Variants in TJP1 observed in about 807,000 individuals in gnomAD.
TJP1 encodes the protein tight junction protein 1, also known as tight junction protein ZO-1.
Under a neutral mutation model 194.2 loss-of-function variants are expected in TJP1, and 43 were observed. That is an observed-to-expected ratio of 0.22 (90% CI 0.17 to 0.29). The LOEUF (loss-of-function observed/expected upper bound fraction) is 0.29, where lower values mean the gene tolerates loss of function less well. Ranked by LOEUF, TJP1 falls within the 10% of genes least tolerant of loss-of-function variation. The pLI is 1.00. For synonymous variants in TJP1, 801 were observed against 779.0 expected (o/e 1.03, Z -0.47); for missense variants, 1,971 against 2,185.7 (o/e 0.90, Z 1.96).
chr15:29,701,818 T>C (rs2041562159), intron 27 of TJP1, 129 bp from the exon 28 acceptor site: 1 of 653,028 alleles, frequency 1.5e-6, no homozygotes, highest in Non-Finnish European at 2.6e-6. Context: ...ATTGAATTTG[T>C]ATCAAAACAC....
intron 8 of TJP1, among the ~76,000 whole-genome samples, chr15:29,743,663 G>C (rs1358458548): frequency 6.6e-6 from 1 of 152,132 alleles, no homozygotes; most frequent in African/African-American, 2.4e-5. Flanking sequence ...GGAGTTGGAG[G>C]CTGAAGTGAG....
intron 10 of TJP1, among the ~76,000 whole-genome samples, chr15:29,739,466 T>C (rs991408183): frequency 3.3e-5 from 5 of 152,150 alleles, no homozygotes; most frequent in African/African-American, 1.2e-4. Flanking sequence ...TTTTTTGAGA[T>C]GGAGTTTTGC....
chr15:29,723,446 T>G (rs2043056849), intron 18 of TJP1, among the ~76,000 whole-genome samples: 1 of 152,190 alleles, frequency 6.6e-6, no homozygotes, highest in Non-Finnish European at 1.5e-5. Context: ...TCCCCTTCAC[T>G]GTCTTAAGTT....
chr15:29,754,953 AT>A (rs2045551847), intron 8 of TJP1, among the ~76,000 whole-genome samples: 2 of 152,220 alleles, frequency 1.3e-5, no homozygotes, highest in Non-Finnish European at 2.9e-5. Context: ...GACGAAAACA[AT>A]TATGGAAGGT....
chr15:29,760,672 C>T (rs1364122284), intron 8 of TJP1, among the ~76,000 whole-genome samples: 6 of 152,062 alleles, frequency 3.9e-5, no homozygotes, highest in Admixed American at 2.0e-4. Flanking sequence ...CCACCGCGCC[C>T]GGCCAACACT....
At chr15:29,744,758 T>C (rs1832969181) in intron 8 of TJP1, among the ~76,000 whole-genome samples, 1 of 152,132 alleles carries the variant, frequency 6.6e-6, no homozygotes, top group South Asian at 2.1e-4. Flanking sequence ...TAAAACCCCA[T>C]GTACTCATCG....
rs370416921 is a variant in TJP1, at chr15:29,719,136, C to T, written c.3006G>A (p.Val1002=). Residue 1002 remains valine, a splice_region_variant and synonymous_variant, in exon 21 of 28, where the codon GTG becomes GTA. Coordinates refer to ENST00000614355, the MANE Select transcript of TJP1 (RefSeq NM_001330239.4). ...SLSSHVDPTK[V]YRKDPYPEEM... is the part of the protein sequence containing the mutation. ...CCTCGGGATATGGATCCTTTCTATA[C>T]ACCTGTATAAAAAATTCACATTTAA... The T allele has an allele frequency of 1.9e-5, 30 of 1,578,840 alleles. No homozygotes were observed. Among genetic ancestry groups the T allele is most frequent in the Non-Finnish European group, 2.5e-5 (29 of 1,166,738 alleles).
At chr15:29,772,344 A>AT (rs1246569494) in intron 3 of TJP1, among the ~76,000 whole-genome samples, 178 bp from the exon 4 acceptor site, 2 of 152,240 alleles carry the variant, frequency 1.3e-5, no homozygotes, top group Admixed American at 1.3e-4. Flanking sequence ...TTCTCTGCAG[A>AT]ATGTTTAACA....
chr15:29,813,007 A>C (rs1453641497), intron 1 of TJP1, among the ~76,000 whole-genome samples: 1 of 152,132 alleles, frequency 6.6e-6, no homozygotes, highest in East Asian at 1.9e-4. Flanking sequence ...AGAAAAAAAA[A>C]ATCAGTAAAT....
At chr15:29,827,275 C>T (rs887725152), upstream of TJP1, among the ~76,000 whole-genome samples, 1 of 152,214 alleles carries the variant, frequency 6.6e-6, no homozygotes, top group Admixed American at 6.5e-5. Flanking sequence ...TCAAAGTCCC[C>T]AAACCCTGTC....
intron 2 of TJP1, among the ~76,000 whole-genome samples, chr15:29,833,414 G>A (rs1009622554): frequency 1.3e-5 from 2 of 151,654 alleles, no homozygotes; most frequent in Admixed American, 6.6e-5. Flanking sequence ...TGTTTTCTTT[G>A]AGACAGTCTC....
At chr15:29,761,805 T>C in intron 6 of TJP1, 36 bp from the exon 7 acceptor site, 2 of 1,482,050 alleles carry the variant, frequency 1.3e-6, no homozygotes, top group Non-Finnish European at 1.8e-6. Context: ...TGAAAGTAAA[T>C]AATAAAATAC....
chr15:29,770,010 G>T (rs745540364), intron 4 of TJP1, among the ~76,000 whole-genome samples: 5 of 152,032 alleles, frequency 3.3e-5, no homozygotes, highest in Non-Finnish European at 5.9e-5. Flanking sequence ...CTCCATGCGT[G>T]TTACTGCCCC....
intron 2 of TJP1, among the ~76,000 whole-genome samples, chr15:29,786,680 T>C (rs1391733699): frequency 6.6e-6 from 1 of 151,950 alleles, no homozygotes; most frequent in Non-Finnish European, 1.5e-5. Flanking sequence ...TTTTTGGGGG[T>C]GTGTAGAGAT....
At chr15:29,731,078 A>AT in intron 15 of TJP1, 3 of 540,638 alleles carry the variant, frequency 5.5e-6, no homozygotes, top group Non-Finnish European at 9.6e-6. Context: ...ATTTTGTTTT[A>AT]CTTTTTTTTT....
At chr15:29,853,614 T>TC (rs1328564154) in intron 2 of TJP1, among the ~76,000 whole-genome samples, 1 of 152,000 alleles carries the variant, frequency 6.6e-6, no homozygotes. Context: ...GCTGTATTTT[T>TC]CCCCCCACAG....
chr15:29,851,975 G>A (rs1470587618), intron 2 of TJP1, among the ~76,000 whole-genome samples: 1 of 152,164 alleles, frequency 6.6e-6, no homozygotes, highest in African/African-American at 2.4e-5. Context: ...TTATATGAAA[G>A]TTAACTCAAA....
At chr15:29,785,283 A>G (rs970119720) in intron 2 of TJP1, among the ~76,000 whole-genome samples, 5 of 152,208 alleles carry the variant, frequency 3.3e-5, no homozygotes, top group Admixed American at 2.6e-4. Flanking sequence ...AATTTATGTT[A>G]GAACTTGGAA....
At chr15:29,781,248 A>C (rs2151728793) in intron 2 of TJP1, among the ~76,000 whole-genome samples, 1 of 152,218 alleles carries the variant, frequency 6.6e-6, no homozygotes, top group Non-Finnish European at 1.5e-5. Flanking sequence ...TCCTGGACAA[A>C]CCCACCCTCC....
Sources: allele counts gnomAD v4.1 joint callset (sites outside exome capture counted in the v4.1 genomes callset), GRCh38; gene constraint gnomAD v4.1.1; transcripts MANE v1.5; gene names NCBI Gene and HGNC (gene_info 2026-07-23, HGNC 2026-07-21).